The following MIPEP variants were observed in gnomAD, a reference collection of about 807,000 sequenced individuals.
MIPEP encodes the protein mitochondrial intermediate peptidase.
In MIPEP, 79 loss-of-function variants were observed where a neutral mutation model predicts 90.3. The ratio of observed to expected loss-of-function variants is 0.87; its 90% CI spans 0.73 to 1.05. The LOEUF (loss-of-function observed/expected upper bound fraction) is 1.05. MIPEP is among the 50% of genes least tolerant of loss of function. The pLI, the probability that MIPEP is intolerant of heterozygous loss-of-function variation, is 0.00. For synonymous variants in MIPEP, 334 were observed against 315.8 expected, an observed-to-expected ratio of 1.06 and a Z score of -0.61; for missense variants, 940 against 905.6, an observed-to-expected ratio of 1.04 and a Z score of -0.49.
intron 9 of MIPEP, among the ~76,000 whole-genome samples, chr13:23,862,037 C>A (rs1870327999): frequency 6.6e-6 from 1 of 152,184 alleles, no homozygotes; most frequent in Non-Finnish European, 1.5e-5. Context: ...AGAATGAAAG[C>A]AGTCTTTGCA....
At chr13:23,884,386 A>AT (rs550177036) in intron 2 of MIPEP, among the ~76,000 whole-genome samples, 5 of 152,198 alleles carry the variant, frequency 3.3e-5, no homozygotes, top group South Asian at 4.2e-4. Flanking sequence ...ACAAGTATAC[A>AT]TTTTTTTTAA....
intron 5 of MIPEP, among the ~76,000 whole-genome samples, chr13:23,871,531 T>A (rs1403745356): frequency 1.3e-5 from 2 of 152,194 alleles, no homozygotes; most frequent in African/African-American, 4.8e-5. Context: ...GGGCTTCAGG[T>A]GAAAGTGTAC....
At chr13:23,840,955 G>A (rs968825582) in intron 11 of MIPEP, among the ~76,000 whole-genome samples, 1 of 152,156 alleles carries the variant, frequency 6.6e-6, no homozygotes, top group African/African-American at 2.4e-5. Flanking sequence ...AACATGGGAT[G>A]GGGGTTGGAG....
At chr13:23,850,700 T>C (rs995608854) in intron 10 of MIPEP, among the ~76,000 whole-genome samples, 5 of 152,238 alleles carry the variant, frequency 3.3e-5, no homozygotes, top group Non-Finnish European at 7.3e-5. Flanking sequence ...ATTCTCGCCA[T>C]AGAGGCTGGG....
At chr13:23,756,186 C>T (rs1461068170) in intron 18 of MIPEP, among the ~76,000 whole-genome samples, 1 of 152,146 alleles carries the variant, frequency 6.6e-6, no homozygotes, top group Non-Finnish European at 1.5e-5. Flanking sequence ...AGGAGTTTTG[C>T]TCATGTTGCC....
intron 10 of MIPEP, among the ~76,000 whole-genome samples, chr13:23,855,761 T>G (rs1202718673): frequency 6.6e-6 from 1 of 152,238 alleles, no homozygotes; most frequent in African/African-American, 2.4e-5. Context: ...TCTGCATCCC[T>G]TTTCCTGGTT....
intron 16 of MIPEP, among the ~76,000 whole-genome samples, chr13:23,774,730 A>G (rs1952692611): frequency 6.7e-6 from 1 of 149,646 alleles, no homozygotes; most frequent in Non-Finnish European, 1.5e-5. Flanking sequence ...CAGAAAAACA[A>G]TTTTTGCATA....
chr13:23,730,608 G>T (rs1952194388), intron 18 of MIPEP, among the ~76,000 whole-genome samples, 163 bp from the exon 19 acceptor site: 1 of 152,212 alleles, frequency 6.6e-6, no homozygotes, highest in South Asian at 2.1e-4. Context: ...CATGGGCAGT[G>T]TGTGGGCCTT....
rs1426323221 is a variant in MIPEP, at chr13:23,874,787, T to C, written c.603+59A>G. 6 of 1,375,230 alleles carry C rather than the reference T, an allele frequency of 4.4e-6. No homozygotes were observed. The East Asian group carries it at 7.2e-5, about 17-fold the overall frequency. 85.2% of individuals were successfully genotyped at this position (1,375,230 alleles called of 1,614,324 possible). A position where few individuals can be genotyped will look rare whatever the true frequency, so the allele number is the denominator to read the frequency against. Reference sequence around the variant, plus strand: ...ATATATACAAGGACTGTAGCAATAATGGTATCAACTAAATGTTAGTAAAAC... The same window carrying C: ...ATATATACAAGGACTGTAGCAATAACGGTATCAACTAAATGTTAGTAAAAC... On this transcript the variant is annotated intron_variant, in intron 5 of 18. Transcript: ENST00000382172.
intron 16 of MIPEP, among the ~76,000 whole-genome samples, chr13:23,805,238 A>C (rs1432712970): frequency 6.6e-6 from 1 of 152,182 alleles, no homozygotes; most frequent in East Asian, 1.9e-4. Context: ...TAATTGCACT[A>C]GGAGTCACGG....
At chr13:23,858,466 G>A (rs1278198558) in intron 10 of MIPEP, among the ~76,000 whole-genome samples, 37 of 104,476 alleles carry the variant, frequency 3.5e-4, no homozygotes, top group East Asian at 1.9e-3. Context: ...GCAAGACTCC[G>A]CCTCAAAAAA....
Position 23,730,334 on chromosome 13 carries a change from G to A in MIPEP, c.*14C>T, listed in dbSNP as rs749744972. The A allele has an allele frequency of 2.7e-5, 42 of 1,549,552 alleles. No individual in the cohort carries two copies. The highest frequency in any genetic ancestry group is 2.9e-5 in the Non-Finnish European group (33 of 1,124,426). ...TCTACATGACCTTGATTTAAGAGGT[G>A]TAGAGTGTTTCTTTTATTCAGAATC... On this transcript the variant is annotated 3_prime_UTR_variant, in exon 19 of 19. Transcript: ENST00000382172.
chr13:23,841,555 A>T, intron 10 of MIPEP, 67 bp from the exon 11 acceptor site: 5 of 1,465,302 alleles, frequency 3.4e-6, no homozygotes, highest in Non-Finnish European at 4.6e-6. Context: ...AAATTCAATT[A>T]ACTTTTCATT....
chr13:23,814,034 T>C (rs1378016149), intron 14 of MIPEP, among the ~76,000 whole-genome samples: 2 of 152,256 alleles, frequency 1.3e-5, no homozygotes, highest in Non-Finnish European at 2.9e-5. Flanking sequence ...AATAATATTA[T>C]AATTATGTTC....
intron 10 of MIPEP, among the ~76,000 whole-genome samples, chr13:23,852,616 A>G (rs1413119799): frequency 1.3e-5 from 2 of 152,220 alleles, no homozygotes; most frequent in Admixed American, 6.5e-5. Flanking sequence ...AGTCATATGA[A>G]AGCCTAACAC....
At chr13:23,856,791 G>T (rs1364385151) in intron 10 of MIPEP, among the ~76,000 whole-genome samples, 1 of 151,982 alleles carries the variant, frequency 6.6e-6, no homozygotes, top group Non-Finnish European at 1.5e-5. Context: ...CACCATTTGG[G>T]CATGCTATAT....
In MIPEP at chr13:23,837,668, C is replaced by G; in HGVS notation, c.1427G>C (p.Arg476Pro). ...CAAAGTTGGAGAACTCCTTGAGGAACGGGGAAGATTCAGCATAAGAACTAC... is the reference window on the plus strand; with the variant it reads ...CAAAGTTGGAGAACTCCTTGAGGAAGGGGGAAGATTCAGCATAAGAACTAC... ...PVVVLMLNLP[R>P]SSRSSPTLLT... Residue 476 changes from arginine to proline, a missense_variant, in exon 13 of 19, where the codon CGT becomes CCT. Physicochemically the swap from Arg to Pro is moderately radical, Grantham distance 103. Transcript: ENST00000382172. 6.2e-7 allele frequency: 1 copy of G among 1,613,930 alleles called. No homozygotes were observed. Among genetic ancestry groups the G allele is most frequent in the Admixed American group, 1.7e-5 (1 of 60,024 alleles).
chr13:23,848,495 C>T (rs1273238321), intron 10 of MIPEP, among the ~76,000 whole-genome samples: 1 of 152,154 alleles, frequency 6.6e-6, no homozygotes, highest in Non-Finnish European at 1.5e-5. Flanking sequence ...ACAATAATGA[C>T]GACCAATCCA....
chr13:23,804,539 C>T (rs1593163966), intron 16 of MIPEP, among the ~76,000 whole-genome samples: 1 of 152,018 alleles, frequency 6.6e-6, no homozygotes, highest in African/African-American at 2.4e-5. Context: ...AAGAGCTTGG[C>T]AGTAGAAAGT....
Sources: allele counts gnomAD v4.1 joint callset (sites outside exome capture counted in the v4.1 genomes callset), GRCh38; gene constraint gnomAD v4.1.1; transcripts MANE v1.5; gene names NCBI Gene and HGNC (gene_info 2026-07-23, HGNC 2026-07-21).